SUPV3L1: variants seen among roughly 807,000 people sequenced by gnomAD.
SUPV3L1 encodes ATP-dependent RNA helicase SUPV3L1, mitochondrial.
SUPV3L1 carries 35 observed loss-of-function variants against 70.0 expected under a neutral mutation model. That is an observed-to-expected ratio of 0.50 (90% CI 0.38 to 0.66). The LOEUF (loss-of-function observed/expected upper bound fraction) is 0.66. SUPV3L1 is among the 30% of genes least tolerant of loss of function. The probability of loss-of-function intolerance (pLI) is 0.00; values close to 1 mark genes in which losing one functional copy is unlikely to be tolerated. For synonymous variants in SUPV3L1, 364 were observed against 341.9 expected, an observed-to-expected ratio of 1.06 and a Z score of -0.71; for missense variants, 777 against 961.5, an observed-to-expected ratio of 0.81 and a Z score of 2.54.
intron 1 of SUPV3L1, among the ~76,000 whole-genome samples, chr10:69,181,693 A>G (rs1203778539): frequency 2.0e-5 from 3 of 152,272 alleles, no homozygotes; most frequent in Middle Eastern, 6.8e-3. Flanking sequence ...GGAAAGGCAA[A>G]TGAGCCTGTG....
intron 2 of SUPV3L1, 95 bp from the exon 3 acceptor site, chr10:69,186,345 GAAA>G (rs71035072): frequency 1.8e-6 from 1 of 549,918 alleles, no homozygotes; most frequent in African/African-American, 2.3e-5. Context: ...AAAAAAAAAA[GAAA>G]AAAAAAGACT....
At chr10:69,180,639 C>T (rs1842028185) in intron 1 of SUPV3L1, 77 bp downstream of exon 1, 3 of 1,559,094 alleles carry the variant, frequency 1.9e-6, no homozygotes, top group East Asian at 2.2e-5. Flanking sequence ...AGCTACATCC[C>T]CTTCCCCTGG....
intron 1 of SUPV3L1, among the ~76,000 whole-genome samples, chr10:69,183,949 G>A (rs1842141515): frequency 6.7e-6 from 1 of 148,204 alleles, no homozygotes; most frequent in Admixed American, 6.7e-5. Flanking sequence ...CCTGTTTTGT[G>A]TATTTCATAT....
At chr10:69,203,237 A>G (rs1038185468) in intron 13 of SUPV3L1, among the ~76,000 whole-genome samples, 194 bp downstream of exon 13, 6 of 152,216 alleles carry the variant, frequency 3.9e-5, no homozygotes, top group African/African-American at 1.4e-4. Context: ...GCCAGGGGTT[A>G]CTGTCTTGTA....
At chr10:69,196,746 C>T (rs560534830) in intron 7 of SUPV3L1, among the ~76,000 whole-genome samples, 1 of 152,222 alleles carries the variant, frequency 6.6e-6, no homozygotes, top group South Asian at 2.1e-4. Flanking sequence ...GCTCATTTCA[C>T]TCTGATAGAG....
intron 13 of SUPV3L1, 89 bp downstream of exon 13, chr10:69,203,132 A>C: frequency 6.6e-6 from 9 of 1,365,130 alleles, no homozygotes; most frequent in Non-Finnish European, 7.9e-6. Flanking sequence ...TAAAATAATT[A>C]CAAGAGTATT....
At chr10:69,201,480 A>G (rs1049139093) in intron 11 of SUPV3L1, among the ~76,000 whole-genome samples, 10 of 150,980 alleles carry the variant, frequency 6.6e-5, no homozygotes, top group Admixed American at 1.3e-4. Flanking sequence ...TTTTAATTCA[A>G]TGAGGAGAAA....
At chr10:69,185,752 A>G (rs1382485276) in intron 1 of SUPV3L1, among the ~76,000 whole-genome samples, 1 of 151,926 alleles carries the variant, frequency 6.6e-6, no homozygotes, top group Non-Finnish European at 1.5e-5. Flanking sequence ...CGCCCACCTC[A>G]GCCTCCCAAA....
chr10:69,202,380 A>G (rs113812494), intron 11 of SUPV3L1, 59 bp from the exon 12 acceptor site: 1 of 1,505,628 alleles, frequency 6.6e-7, no homozygotes, highest in Non-Finnish European at 9.1e-7. Flanking sequence ...ACTTAAGAAA[A>G]TTTGTCCTTT....
chr10:69,202,921 G>T lies in SUPV3L1; in HGVS notation c.1654G>T (p.Asp552Tyr), dbSNP rs1842723375. The change falls in exon 13 of 15, where the codon GAT (aspartate) becomes TAT (tyrosine). Residue 552 changes from aspartate to tyrosine, a missense_variant. Asp to Tyr is a radical substitution (Grantham distance 160, BLOSUM62 -3). Coordinates refer to ENST00000359655, the MANE Select transcript of SUPV3L1 (RefSeq NM_003171.5). ...VDGQYFVCNM[D>Y]DFKFSAELIQ... ...TGGGCAGTATTTTGTCTGCAATATG[G>T]ATGATTTTAAATTTTCTGCAGAGTT... 2 of 1,613,986 alleles carry T rather than the reference G, an allele frequency of 1.2e-6. No homozygotes were observed. The highest frequency in any genetic ancestry group is 4.5e-5 in the East Asian group (2 of 44,862).
chr10:69,195,441 CTA>C (rs1842517921), intron 7 of SUPV3L1, 176 bp downstream of exon 7: 1 of 414,944 alleles, frequency 2.4e-6, no homozygotes, highest in East Asian at 3.6e-5. Context: ...AATGGGAAAT[CTA>C]TTTTTTCCTG....
At chr10:69,198,716 G>C (rs1842608383) in intron 9 of SUPV3L1, among the ~76,000 whole-genome samples, 164 bp downstream of exon 9, 1 of 152,134 alleles carries the variant, frequency 6.6e-6, no homozygotes, top group Non-Finnish European at 1.5e-5. Flanking sequence ...TTTCATCTTA[G>C]TGGAAATAGA....
chr10:69,193,172 A>G (rs944486067), intron 6 of SUPV3L1: 2 of 152,206 alleles, frequency 1.3e-5, no homozygotes, highest in African/African-American at 2.4e-5. Flanking sequence ...TTAACCCTAT[A>G]TATTTTCCAG....
At chr10:69,188,441 C>T (rs1427263962) in intron 4 of SUPV3L1, among the ~76,000 whole-genome samples, 1 of 152,180 alleles carries the variant, frequency 6.6e-6, no homozygotes, top group East Asian at 1.9e-4. Context: ...CCTGCACTGC[C>T]TTGTGGCCCA....
intron 1 of SUPV3L1, among the ~76,000 whole-genome samples, chr10:69,183,542 G>A (rs1358680099): frequency 2.0e-5 from 3 of 152,174 alleles, no homozygotes; most frequent in Non-Finnish European, 4.4e-5. Flanking sequence ...AGCCAGGCAT[G>A]ATGGTGTGTG....
intron 10 of SUPV3L1, among the ~76,000 whole-genome samples, chr10:69,200,041 T>G (rs1470962429): frequency 6.6e-6 from 1 of 151,770 alleles, no homozygotes; most frequent in African/African-American, 2.4e-5. Context: ...GACTTGGGTC[T>G]TGCTATGTTG....
intron 1 of SUPV3L1, among the ~76,000 whole-genome samples, chr10:69,185,561 G>T (rs1231491811): frequency 6.6e-6 from 1 of 151,094 alleles, no homozygotes; most frequent in Admixed American, 6.6e-5. Context: ...GAGTGCAGTG[G>T]GCCCATCTCG....
chr10:69,189,327 T>C lies in SUPV3L1; in HGVS notation c.633T>C (p.Ser211=). 1 of 1,614,086 alleles carries C rather than the reference T, an allele frequency of 6.2e-7. No homozygotes were observed. The highest frequency in any genetic ancestry group is 8.5e-7 in the Non-Finnish European group (1 of 1,180,004). ...KIIFHSGPTN[S]GKTYHAIQKY... ...TATTTCATTCAGGCCCCACAAACAG[T>C]GGAAAGACTTATCACGCAATCCAGA... The change falls in exon 5 of 15, where the codon AGT becomes AGC. Residue 211 remains serine, a synonymous_variant. Coordinates refer to ENST00000359655, the MANE Select transcript of SUPV3L1 (RefSeq NM_003171.5).
At chr10:69,204,718 C>A (rs1012488540) in intron 13 of SUPV3L1, among the ~76,000 whole-genome samples, 1 of 151,876 alleles carries the variant, frequency 6.6e-6, no homozygotes, top group Non-Finnish European at 1.5e-5. Flanking sequence ...TGCCTATGTG[C>A]ATGTTCATGT....
Sources: allele counts gnomAD v4.1 joint callset (sites outside exome capture counted in the v4.1 genomes callset), GRCh38; gene constraint gnomAD v4.1.1; transcripts MANE v1.5; gene names NCBI Gene and HGNC (gene_info 2026-07-23, HGNC 2026-07-21).